Variants in CDC73 observed in about 807,000 individuals in gnomAD.
The protein encoded by CDC73 is parafibromin.
Under a neutral mutation model 83.7 loss-of-function variants are expected in CDC73, and 21 were observed. That is an observed-to-expected ratio of 0.25 (90% CI 0.18 to 0.36). CDC73 has a LOEUF of 0.36. CDC73 is among the 10% of genes least tolerant of loss of function. The probability of loss-of-function intolerance (pLI) is 1.00; values close to 1 mark genes in which losing one functional copy is unlikely to be tolerated. For synonymous variants in CDC73, 224 were observed against 212.9 expected (o/e 1.05, Z -0.45); for missense variants, 342 against 653.3 (o/e 0.52, Z 5.19).
intron 3 of CDC73, among the ~76,000 whole-genome samples, chr1:193,133,001 A>G (rs1675723462): frequency 6.8e-6 from 1 of 147,410 alleles, no homozygotes. Context: ...TCCCGGGTGC[A>G]TGCCATTCTT....
chr1:193,232,005 A>G (rs996446434), intron 13 of CDC73, among the ~76,000 whole-genome samples: 13 of 152,180 alleles, frequency 8.5e-5, no homozygotes, highest in Non-Finnish European at 1.5e-5. Context: ...CTTTTAAAAT[A>G]CTTTGTGAAC....
At chr1:193,216,693 T>A (rs1677373813) in intron 13 of CDC73, among the ~76,000 whole-genome samples, 1 of 150,294 alleles carries the variant, frequency 6.7e-6, no homozygotes, top group African/African-American at 2.5e-5. Flanking sequence ...GATGCAAAAA[T>A]CAACAAAGTA....
intron 9 of CDC73, among the ~76,000 whole-genome samples, chr1:193,151,823 C>T (rs909116959): frequency 6.6e-6 from 1 of 151,924 alleles, no homozygotes; most frequent in Non-Finnish European, 1.5e-5. Flanking sequence ...ACTCGGGAGG[C>T]TGAGGTGGGA....
chr1:193,184,161 G>A (rs1338947795), intron 10 of CDC73, among the ~76,000 whole-genome samples: 1 of 151,814 alleles, frequency 6.6e-6, no homozygotes, highest in African/African-American at 2.4e-5. Context: ...TGTTTTAGAT[G>A]TTAAGCTGTT....
intron 16 of CDC73, among the ~76,000 whole-genome samples, 183 bp from the exon 17 acceptor site, chr1:193,250,489 ATTAC>A (rs1235760444): frequency 6.6e-6 from 1 of 151,822 alleles, no homozygotes; most frequent in East Asian, 1.9e-4. Context: ...CTTAGATTAT[ATTAC>A]TTAATAAGAG....
intron 14 of CDC73, among the ~76,000 whole-genome samples, chr1:193,235,779 G>T (rs544588701): frequency 9.9e-5 from 15 of 152,220 alleles, no homozygotes; most frequent in African/African-American, 3.6e-4. Context: ...CTCAGATAAG[G>T]CCCTGGGACC....
chr1:193,214,158 A>G (rs547269080), intron 13 of CDC73, among the ~76,000 whole-genome samples: 2 of 152,196 alleles, frequency 1.3e-5, no homozygotes, highest in East Asian at 3.9e-4. Flanking sequence ...CACTTTCCTC[A>G]TGGGCAACAC....
intron 14 of CDC73, among the ~76,000 whole-genome samples, chr1:193,234,639 G>A (rs1394398889): frequency 6.6e-6 from 1 of 151,948 alleles, no homozygotes; most frequent in Non-Finnish European, 1.5e-5. Flanking sequence ...GTCCTTCCAA[G>A]AATTCATGGG....
At chr1:193,236,473 A>G (rs1677760176) in intron 15 of CDC73, 117 bp downstream of exon 15, 1 of 729,242 alleles carries the variant, frequency 1.4e-6, no homozygotes. Context: ...GCTGTTAAGT[A>G]ACATATGTTA....
chr1:193,147,093 C>A (rs763346225), intron 7 of CDC73, among the ~76,000 whole-genome samples: 21 of 151,728 alleles, frequency 1.4e-4, no homozygotes, highest in Non-Finnish European at 2.6e-4. Context: ...GCTGGATTCA[C>A]GCCATTCTCC....
At chr1:193,204,714 T>C (rs1363085551) in intron 11 of CDC73, among the ~76,000 whole-genome samples, 1 of 152,200 alleles carries the variant, frequency 6.6e-6, no homozygotes, top group Non-Finnish European at 1.5e-5. Context: ...TAAATAGGTA[T>C]AGAGAAGAGT....
chr1:193,128,383 T>A (rs1572145170), intron 2 of CDC73, among the ~76,000 whole-genome samples: 1 of 151,904 alleles, frequency 6.6e-6, no homozygotes, highest in Non-Finnish European at 1.5e-5. Context: ...AGCCTTACCC[T>A]CCCGGGCTCA....
intron 7 of CDC73, among the ~76,000 whole-genome samples, chr1:193,142,417 A>T (rs926443770): frequency 6.6e-6 from 1 of 152,132 alleles, no homozygotes; most frequent in African/African-American, 2.4e-5. Context: ...TATTAATGCC[A>T]TCATTATTTT....
At chr1:193,169,726 T>C (rs892745161) in intron 10 of CDC73, among the ~76,000 whole-genome samples, 1 of 152,190 alleles carries the variant, frequency 6.6e-6, no homozygotes, top group African/African-American at 2.4e-5. Context: ...AAGATGTATT[T>C]CCAAATGAGT....
At chr1:193,178,192 C>G (rs916904182) in intron 10 of CDC73, among the ~76,000 whole-genome samples, 2 of 152,016 alleles carry the variant, frequency 1.3e-5, no homozygotes, top group African/African-American at 2.4e-5. Flanking sequence ...TAAGGATTTT[C>G]AACAGTACAA....
intron 6 of CDC73, chr1:193,141,014 T>C (rs1250399816): frequency 6.6e-6 from 1 of 152,230 alleles, no homozygotes; most frequent in African/African-American, 2.4e-5. Flanking sequence ...TGAATAAAAT[T>C]AGAATACTGT....
At chr1:193,226,275 C>G (rs575175954) in intron 13 of CDC73, among the ~76,000 whole-genome samples, 1 of 152,250 alleles carries the variant, frequency 6.6e-6, no homozygotes, top group East Asian at 1.9e-4. Flanking sequence ...TCTGGATTCT[C>G]TATTCTGTTC....
At chr1:193,242,200 G>T (rs560679978) in intron 15 of CDC73, among the ~76,000 whole-genome samples, 92 of 151,670 alleles carry the variant, frequency 6.1e-4, no homozygotes, top group Admixed American at 4.1e-3. Context: ...TGGGGGCCGA[G>T]CCCTCAAAAT....
At chr1:193,217,314 C>G (rs1250514614) in intron 13 of CDC73, among the ~76,000 whole-genome samples, 1 of 152,152 alleles carries the variant, frequency 6.6e-6, no homozygotes, top group Non-Finnish European at 1.5e-5. Context: ...AGCTCAGACC[C>G]TCTACCTTAT....
Sources: allele counts gnomAD v4.1 joint callset (sites outside exome capture counted in the v4.1 genomes callset), GRCh38; gene constraint gnomAD v4.1.1; transcripts MANE v1.5; gene names NCBI Gene and HGNC (gene_info 2026-07-23, HGNC 2026-07-21).